Variants in RBFOX1 observed in about 807,000 individuals in gnomAD.
The protein encoded by RBFOX1 is RNA binding fox-1 homolog 1.
In RBFOX1, 8 loss-of-function variants were observed where a neutral mutation model predicts 57.7. The ratio of observed to expected loss-of-function variants is 0.14; its 90% CI spans 0.08 to 0.25. The LOEUF (loss-of-function observed/expected upper bound fraction) is 0.25, where lower values mean the gene tolerates loss of function less well. RBFOX1 is among the 10% of genes least tolerant of loss of function. The probability of loss-of-function intolerance (pLI) is 1.00; values close to 1 mark genes in which losing one functional copy is unlikely to be tolerated. For missense variants in RBFOX1, 611 were observed against 548.5 expected, an observed-to-expected ratio of 1.11 and a Z score of -1.14; for synonymous variants, 326 against 222.4, an observed-to-expected ratio of 1.47 and a Z score of -4.15.
chr16:5,852,425 C>T (rs560965471), intron 3 of RBFOX1, among the ~76,000 whole-genome samples: 1 of 152,296 alleles, frequency 6.6e-6, no homozygotes, highest in Admixed American at 6.5e-5. Flanking sequence ...ATGGGAGGCT[C>T]TGAATGTGGA....
chr16:5,747,366 C>T lies in RBFOX1; in HGVS notation c.319-119937C>T, dbSNP rs181694966. ...TTCTCTGTTTTTGTTGTGTCTCTGCCAGGCTTTGGTATCAGGATGACGCTG... is the reference window on the plus strand; with the variant it reads ...TTCTCTGTTTTTGTTGTGTCTCTGCTAGGCTTTGGTATCAGGATGACGCTG... On this transcript the variant is annotated intron_variant, in intron 3 of 19. Coordinates refer to the RBFOX1 transcript ENST00000641259. Among the ~76,000 whole-genome samples, 207 of 152,274 alleles carry T rather than the reference C, an allele frequency of 1.4e-3. 2 individuals carry two copies. Among genetic ancestry groups the T allele is most frequent in the African/African-American group, 4.9e-3 (202 of 41,564 alleles).
intron 2 of RBFOX1, among the ~76,000 whole-genome samples, chr16:6,499,889 G>A (rs1443991115): frequency 1.3e-5 from 2 of 152,108 alleles, no homozygotes; most frequent in Non-Finnish European, 2.9e-5. Flanking sequence ...AAAGGAGTCG[G>A]GTAAAAGGAT....
rs1216416183 is a variant in RBFOX1, at chr16:6,097,405, A to C, written c.-127+77413A>C. Among the ~76,000 whole-genome samples, 1 of 152,116 alleles carries C rather than the reference A, an allele frequency of 6.6e-6. No homozygotes were observed. The highest frequency in any genetic ancestry group is 1.5e-5 in the Non-Finnish European group (1 of 68,032). ...GTACCACTCAAACCATGGTCTGCAG[A>C]CTACCAGCATTAGCAAGGCCTGGGA... is the stretch of plus-strand genomic sequence containing the variant. On this transcript the variant is annotated intron_variant, in intron 1 of 15. Coordinates refer to ENST00000550418, the MANE Select transcript of RBFOX1 (RefSeq NM_018723.4). The surrounding 1 kb of genome is among the most constrained non-coding windows in gnomAD (Gnocchi z 5.0).
chr16:5,647,820 A>G (rs999990913), intron 3 of RBFOX1, among the ~76,000 whole-genome samples: 3 of 152,100 alleles, frequency 2.0e-5, no homozygotes, highest in East Asian at 1.9e-4. Flanking sequence ...CTGCTTCCCA[A>G]CACAGGAAGA....
At chr16:6,780,781 T>C (rs1268690779) in intron 3 of RBFOX1, among the ~76,000 whole-genome samples, 1 of 151,826 alleles carries the variant, frequency 6.6e-6, no homozygotes, top group Non-Finnish European at 1.5e-5. Flanking sequence ...TTTTGGTCAT[T>C]TGTATGTCTT....
chr16:6,125,766 T>A (rs1312449416), intron 1 of RBFOX1, among the ~76,000 whole-genome samples: 1 of 152,156 alleles, frequency 6.6e-6, no homozygotes, highest in Admixed American at 6.5e-5. Flanking sequence ...TGGCTCGCTC[T>A]CTGTGGGATG....
chr16:7,430,221 C>T (rs562194879), intron 4 of RBFOX1, among the ~76,000 whole-genome samples: 14 of 152,296 alleles, frequency 9.2e-5, no homozygotes, highest in African/African-American at 3.4e-4. Context: ...CTATTCCAGC[C>T]TCATGTCTTC....
rs369421130 is a variant in RBFOX1, at chr16:5,629,514, C to A, written c.318+30553C>A. 7.9e-5 allele frequency among the ~76,000 whole-genome samples: 12 copies of A among 152,354 alleles called. No homozygotes were observed. In the East Asian group the frequency reaches 1.7e-3, roughly 22 times the overall value. On this transcript the variant is annotated intron_variant, in intron 3 of 19. Coordinates refer to the RBFOX1 transcript ENST00000641259. ...GAGGGCTTCATGGACCATTTAACTA[C>A]TGGATAACTCAGTAGCAAAGGAAGA...
chr16:6,914,271 A>G (rs538653812), intron 3 of RBFOX1, among the ~76,000 whole-genome samples: 12 of 152,304 alleles, frequency 7.9e-5, no homozygotes, highest in South Asian at 2.1e-4. Context: ...AGCAAAAGAA[A>G]ATAATCATTA....
At chr16:6,797,738 G>A in intron 3 of RBFOX1, among the ~76,000 whole-genome samples, 1 of 151,988 alleles carries the variant, frequency 6.6e-6, no homozygotes, top group African/African-American at 2.4e-5. Flanking sequence ...AACCACGTTG[G>A]CTCTTGGGGT....
intron 4 of RBFOX1, among the ~76,000 whole-genome samples, chr16:7,198,498 G>C (rs919187592): frequency 5.9e-5 from 9 of 152,196 alleles, no homozygotes; most frequent in African/African-American, 1.9e-4. Flanking sequence ...GAGTGTTTTA[G>C]TTTGTTTTGT....
At chr16:7,002,728 C>CA (rs2092939824) in intron 3 of RBFOX1, among the ~76,000 whole-genome samples, 1 of 151,966 alleles carries the variant, frequency 6.6e-6, no homozygotes, top group South Asian at 2.1e-4. Flanking sequence ...AAGAAACAAA[C>CA]AAAAAACTAT....
intron 4 of RBFOX1, among the ~76,000 whole-genome samples, chr16:7,340,715 TC>T (rs1446754055): frequency 6.6e-6 from 1 of 152,244 alleles, no homozygotes; most frequent in African/African-American, 2.4e-5. Flanking sequence ...ATTAACTTTG[TC>T]ATGACGTAGA....
intron 3 of RBFOX1, among the ~76,000 whole-genome samples, chr16:6,768,460 A>T (rs2077730505): frequency 6.6e-6 from 1 of 151,960 alleles, no homozygotes; most frequent in African/African-American, 2.4e-5. Context: ...ATTCCCCCCC[A>T]GCCCACACAA....
chr16:6,536,547 G>A (rs2096737891), intron 2 of RBFOX1, among the ~76,000 whole-genome samples: 1 of 125,944 alleles, frequency 7.9e-6, no homozygotes. Flanking sequence ...GACGATGGGG[G>A]GCCCAGGAGG....
intron 3 of RBFOX1, among the ~76,000 whole-genome samples, chr16:6,760,093 T>C (rs1371433379): frequency 1.3e-5 from 2 of 152,136 alleles, no homozygotes; most frequent in Non-Finnish European, 2.9e-5. Flanking sequence ...TGTGATCTTG[T>C]TTTCATTAAA....
At chr16:7,401,892 A>G (rs943225614) in intron 4 of RBFOX1, among the ~76,000 whole-genome samples, 3 of 152,222 alleles carry the variant, frequency 2.0e-5, no homozygotes, top group South Asian at 2.1e-4. Flanking sequence ...CTCTGGAGAA[A>G]TTTTATACCC....
intron 1 of RBFOX1, among the ~76,000 whole-genome samples, chr16:5,384,052 C>T (rs1045825869): frequency 2.0e-5 from 3 of 152,190 alleles, no homozygotes; most frequent in Non-Finnish European, 4.4e-5. Context: ...CAGCTCCCAG[C>T]TCTAAGTCCT....
intron 3 of RBFOX1, among the ~76,000 whole-genome samples, chr16:7,009,291 C>G (rs934836604): frequency 1.4e-5 from 2 of 147,220 alleles, no homozygotes; most frequent in African/African-American, 5.1e-5. Flanking sequence ...TTCTCTCTCA[C>G]TCTCTGTCTC....
Sources: allele counts gnomAD v4.1 joint callset (sites outside exome capture counted in the v4.1 genomes callset), GRCh38; gene constraint gnomAD v4.1.1; non-coding constraint Gnocchi (gnomAD v3.1); transcripts MANE v1.5; gene names NCBI Gene and HGNC (gene_info 2026-07-23, HGNC 2026-07-21).